Variants in COL6A2 observed in about 807,000 individuals in gnomAD.
The protein encoded by COL6A2 is collagen type VI alpha 2 chain, also known as collagen alpha-2(VI) chain.
A neutral mutation model predicts 124.9 loss-of-function variants in COL6A2; 90 were observed. That is an observed-to-expected ratio of 0.72 (90% CI 0.61 to 0.86). The LOEUF (loss-of-function observed/expected upper bound fraction) is 0.86. Among genes scored for constraint, COL6A2 ranks in the 40% least tolerant of loss-of-function variants. The pLI is 0.00. For synonymous variants in COL6A2, 793 were observed against 618.2 expected (o/e 1.28, Z -4.19); for missense variants, 1,607 against 1,502.5 (o/e 1.07, Z -1.15).
chr21:46,099,910 T>TTTTTTTTC (rs2078270671), intron 1 of COL6A2, among the ~76,000 whole-genome samples: 1 of 143,982 alleles, frequency 6.9e-6, no homozygotes, highest in South Asian at 2.2e-4. Flanking sequence ...TTTTTTTTTT[T>TTTTTTTTC]TTCTCATTTC....
At position 46,132,460 on chromosome 21, in the gene COL6A2, C is replaced by T. The variant is rs746012569; in HGVS notation, c.2968C>T (p.Leu990=). Residue 990 remains leucine (L), a synonymous_variant, in exon 28 of 28, where the codon CTG becomes TTG. Coordinates refer to ENST00000300527, the MANE Select transcript of COL6A2 (RefSeq NM_001849.4). ...VDMDVLTTLS[L]GDRAAVFHEK... ...CATGGACGTGCTCACCACGCTCAGCCTGGGTGACCGCGCCGCCGTGTTCCA... is the reference window on the plus strand; with the variant it reads ...CATGGACGTGCTCACCACGCTCAGCTTGGGTGACCGCGCCGCCGTGTTCCA... The T allele has an allele frequency of 5.8e-5, 93 of 1,606,780 alleles. No homozygotes were observed. In the East Asian group the frequency reaches 1.9e-3, roughly 32 times the overall value.
At chr21:46,130,640 A>G (rs1196345592) in intron 27 of COL6A2, among the ~76,000 whole-genome samples, 3 of 152,194 alleles carry the variant, frequency 2.0e-5, no homozygotes, top group Admixed American at 6.5e-5. Context: ...CAGGCCCCAC[A>G]GACACTGATG....
intron 27 of COL6A2, among the ~76,000 whole-genome samples, chr21:46,130,175 G>A (rs1325402286): frequency 6.6e-6 from 1 of 152,192 alleles, no homozygotes; most frequent in Non-Finnish European, 1.5e-5. Context: ...TGCACAGTAG[G>A]GCGAATGGCC....
Position 46,125,527 on chromosome 21 carries a change from G to A in COL6A2, c.1879G>A (p.Gly627Arg), listed in dbSNP as rs1189218897. Residue 627 changes from glycine (G) to arginine (R), a missense_variant, in exon 25 of 28, where the codon GGG (glycine) becomes AGG (arginine). Gly to Arg is a moderately radical substitution (Grantham distance 125, BLOSUM62 -2). This residue lies in a region of COL6A2 where 1,223 missense variants were observed against 1,052.2 expected (regional missense o/e 1.16). Coordinates refer to ENST00000300527, the MANE Select transcript of COL6A2 (RefSeq NM_001849.4). ...CGTCATCGACAGCTCCGAGAGCATTGGGTACACCAACTTCACACTGGAGAA... is the reference window on the plus strand; with the variant it reads ...CGTCATCGACAGCTCCGAGAGCATTAGGTACACCAACTTCACACTGGAGAA... ...VFVIDSSESI[G>R]YTNFTLEKNF... 1.9e-6 allele frequency: 3 copies of A among 1,613,004 alleles called. No homozygotes were observed. Among genetic ancestry groups the A allele is most frequent in the Non-Finnish European group, 2.5e-6 (3 of 1,179,972 alleles).
rs374052717 is a variant in COL6A2, at chr21:46,119,167, C to T, written c.1269+48C>T. On this transcript the variant is annotated intron_variant, in intron 14 of 27. Coordinates refer to ENST00000300527, the MANE Select transcript of COL6A2 (RefSeq NM_001849.4). The stretch of plus-strand genomic sequence containing the variant: ...TCAGGGCCCCGCTCTGGGCATCCTC[C>T]TTGCAGCTTGAGGAGGACCATGGGG... 97 of 1,440,440 alleles carry T rather than the reference C, an allele frequency of 6.7e-5. 1 individual carries two copies. The highest frequency in any genetic ancestry group is 4.5e-4 in the Middle Eastern group (2 of 4,470). The allele number at this position is 1,440,440 out of a possible 1,614,324, so 89.2% of individuals were successfully genotyped here. A position where few individuals can be genotyped will look rare whatever the true frequency, so the allele number is the denominator to read the frequency against.
Position 46,100,747 on chromosome 21 carries a change from G to T in COL6A2, c.-28+2574G>T, listed in dbSNP as rs116817109. ...TGTCAGCATTCCCTTCCTTTGTAAG[G>T]CTGAGCAGTATTCCACTGCATGCAT... On this transcript the variant is annotated intron_variant, in intron 1 of 27. Coordinates refer to ENST00000300527, the MANE Select transcript of COL6A2 (RefSeq NM_001849.4). 9.0e-3 allele frequency among the ~76,000 whole-genome samples: 1,372 copies of T among 152,244 alleles called. 16 individuals carry two copies. Among genetic ancestry groups the T allele is most frequent in the African/African-American group, 0.031 (1,288 of 41,538 alleles).
chr21:46,122,311 G>C (rs1047763593), intron 19 of COL6A2, among the ~76,000 whole-genome samples, 153 bp downstream of exon 19: 1 of 152,156 alleles, frequency 6.6e-6, no homozygotes, highest in African/African-American at 2.4e-5. Context: ...GGCTTCGGGT[G>C]ACTCAGTGAA....
At chr21:46,121,730 G>A (rs1318565276) in intron 18 of COL6A2, 112 bp downstream of exon 18, 16 of 1,056,468 alleles carry the variant, frequency 1.5e-5, no homozygotes, top group Admixed American at 3.9e-5. Context: ...GCCTCAGGAC[G>A]GGCCTGTGCC....
Position 46,132,179 on chromosome 21 carries a change from A to C in COL6A2, c.2687A>C (p.His896Pro), listed in dbSNP as rs886044383. 4 of 1,573,362 alleles carry C rather than the reference A, an allele frequency of 2.5e-6. No individual in the cohort carries two copies. Among genetic ancestry groups the C allele is most frequent in the South Asian group, 1.2e-5 (1 of 86,918 alleles). ...GEQQVAFPLS[H>P]NLTAIHEALE... ...CAGCAGGTGGCCTTCCCGCTGAGCC[A>C]CAACCTCACGGCCATCCACGAGGCG... Residue 896 changes from histidine (H) to proline (P), a missense_variant, in exon 28 of 28, where the codon CAC becomes CCC. By Grantham distance (77) the His-to-Pro change is moderately conservative. Around this residue, in one of 3 missense-constraint regions of COL6A2, gnomAD observed 1,223 missense variants for 1,052.2 expected, o/e 1.16. Coordinates refer to ENST00000300527, the MANE Select transcript of COL6A2 (RefSeq NM_001849.4).
intron 5 of COL6A2, among the ~76,000 whole-genome samples, chr21:46,114,792 C>T (rs1349791202): frequency 1.3e-5 from 2 of 152,302 alleles, no homozygotes; most frequent in East Asian, 1.9e-4. Flanking sequence ...AAATAAAGTC[C>T]TTCCAAAACT....
chr21:46,123,613 ATGGATTGCTGGATGAG>A (rs1420743156), intron 21 of COL6A2, among the ~76,000 whole-genome samples: 1 of 150,694 alleles, frequency 6.6e-6, no homozygotes, highest in Non-Finnish European at 1.5e-5. Flanking sequence ...GGATGAATGG[ATGGATTGCTGGATGAG>A]TGGGTGGGTG....
chr21:46,131,593 T>G (rs929988004), intron 27 of COL6A2, among the ~76,000 whole-genome samples: 1 of 152,156 alleles, frequency 6.6e-6, no homozygotes, highest in Non-Finnish European at 1.5e-5. Flanking sequence ...ACACAGACAG[T>G]GGCCCTTTTG....
chr21:46,120,146 C>T (rs1478993446), intron 15 of COL6A2, among the ~76,000 whole-genome samples: 2 of 135,342 alleles, frequency 1.5e-5, no homozygotes, highest in African/African-American at 5.0e-5. Context: ...CACCTCTTAC[C>T]CCCAGCCCAC....
Position 46,116,249 on chromosome 21 carries a change from A to T in COL6A2, c.901-128A>T. ...ACCCAGGGCTCAGCCTCCTCCGCAGACTGTTTGTCGAGAACACTAGATGCC... is the reference window on the plus strand; with the variant it reads ...ACCCAGGGCTCAGCCTCCTCCGCAGTCTGTTTGTCGAGAACACTAGATGCC... On this transcript the variant is annotated intron_variant, in intron 7 of 27. Coordinates refer to ENST00000300527, the MANE Select transcript of COL6A2 (RefSeq NM_001849.4). The surrounding 1 kb of genome is among the most constrained non-coding windows in gnomAD (Gnocchi z 4.6). 8.1e-7 allele frequency: 1 copy of T among 1,234,578 alleles called. No individual in the cohort carries two copies. The highest frequency in any genetic ancestry group is 1.2e-6 in the Non-Finnish European group (1 of 861,154). The allele number at this position is 1,234,578 out of a possible 1,614,324, so 76.5% of individuals were successfully genotyped here.
At chr21:46,114,373 A>T (rs1331993876) in intron 5 of COL6A2, among the ~76,000 whole-genome samples, 3 of 151,426 alleles carry the variant, frequency 2.0e-5, no homozygotes, top group Non-Finnish European at 2.9e-5. Context: ...TGCAGTGAGC[A>T]GAGATCACGC....
rs73382469 is a variant in COL6A2, at chr21:46,125,107, G to A, written c.1771-159G>A. On this transcript the variant is annotated intron_variant, in intron 23 of 27. Coordinates refer to ENST00000300527, the MANE Select transcript of COL6A2 (RefSeq NM_001849.4). ...AGGGCAAGGTTGGTGGGGGGAGGAG[G>A]GTGGCAGCGAGGTTGGTAGGGACAG... 0.061 allele frequency among the ~76,000 whole-genome samples: 9,290 copies of A among 152,122 alleles called. 555 individuals carry two copies. Among genetic ancestry groups the A allele is most frequent in the East Asian group, 0.35 (1,789 of 5,150 alleles).
At chr21:46,110,492 AC>A (rs2123609580) in intron 1 of COL6A2, among the ~76,000 whole-genome samples, 1 of 152,270 alleles carries the variant, frequency 6.6e-6, no homozygotes. Flanking sequence ...CTGAGCTGGC[AC>A]CTTTGGGAAC....
At chr21:46,114,158 G>T (rs568719611) in intron 5 of COL6A2, 85 bp downstream of exon 5, 1 of 1,157,394 alleles carries the variant, frequency 8.6e-7, no homozygotes, top group Non-Finnish European at 1.3e-6. Flanking sequence ...CGGGCGTGGT[G>T]GCTCATACCT....
At chr21:46,129,773 A>G in intron 27 of COL6A2, 3 of 1,310,730 alleles carry the variant, frequency 2.3e-6, no homozygotes, top group Middle Eastern at 2.9e-4. Context: ...CCCCAAGTCC[A>G]GAATGACCTC....
Sources: gnomAD v4.1 joint callset for allele counts (sites outside exome capture counted in the v4.1 genomes callset) on GRCh38, gnomAD v4.1.1 for gene constraint, gnomAD v4.1.1 regional missense constraint, Gnocchi (gnomAD v3.1) non-coding constraint, MANE v1.5 for transcripts, NCBI Gene and HGNC (gene_info 2026-07-23, HGNC 2026-07-21) for gene names.